BBS1: variants seen among roughly 807,000 people sequenced by gnomAD.
BBS1 encodes the protein Bardet-Biedl syndrome 1.
Under a neutral mutation model 73.9 loss-of-function variants are expected in BBS1, and 60 were observed. The observed-to-expected ratio is 0.81, with a 90% CI of 0.66 to 1.01. The LOEUF is 1.01. Ranked by LOEUF, BBS1 falls within the 50% of genes least tolerant of loss-of-function variation. The pLI is 0.00. For missense variants in BBS1, 718 were observed against 770.3 expected (o/e 0.93, Z 0.80); for synonymous variants, 283 against 317.4 (o/e 0.89, Z 1.15).
chr11:66,513,160 A>G (rs150842545), intron 3 of BBS1, among the ~76,000 whole-genome samples: 71 of 151,886 alleles, frequency 4.7e-4, no homozygotes, highest in Admixed American at 1.8e-3. Flanking sequence ...AACGAGAACA[A>G]TGGATTCTGT....
In BBS1 at chr11:66,526,156, G is replaced by T. The variant is rs377297999; in HGVS notation, c.1144G>T (p.Gly382Trp). 1.2e-6 allele frequency: 2 copies of T among 1,614,186 alleles called. No individual in the cohort carries two copies. ...GACCAGCCTTTGCTTTGGCCGGTAC[G>T]GGCGGGAGGACAACACCCTCATCAT... ...AVTSLCFGRY[G>W]REDNTLIMTT... Residue 382 changes from glycine (G) to tryptophan (W), a missense_variant, in exon 12 of 17, where the codon GGG becomes TGG. By Grantham distance (184) the Gly-to-Trp change is radical (BLOSUM62 -2). Transcript: ENST00000318312.
chr11:66,520,150 A>G (rs987643395), intron 8 of BBS1, among the ~76,000 whole-genome samples: 4 of 152,164 alleles, frequency 2.6e-5, no homozygotes, highest in Non-Finnish European at 5.9e-5. Context: ...ACAGAGTGAG[A>G]CCCTGTCTCT....
rs1252698264 is a variant in BBS1 at position 66,514,414 on chromosome 11, A to G, written c.168A>G (p.Val56=). ...CCATCCTCTCCCTGCAGCTGGTGGT[A>G]GGGGACCTTGGCCCTGGTGGGCAGC... ...LHGDGEYKLV[V]GDLGPGGQQP... Residue 56 remains valine (V), a synonymous_variant, in exon 4 of 17, where the codon GTA becomes GTG. Coordinates refer to ENST00000318312, the MANE Select transcript of BBS1 (RefSeq NM_024649.5). 1 of 1,614,110 alleles carries G rather than the reference A, an allele frequency of 6.2e-7. No homozygotes were observed. The highest frequency in any genetic ancestry group is 1.1e-5 in the South Asian group (1 of 91,084).
In BBS1 at chr11:66,531,847, G is replaced by T. The variant is rs930334914; in HGVS notation, c.1696-104G>T. 4 of 1,603,794 alleles carry T rather than the reference G, an allele frequency of 2.5e-6. No individual in the cohort carries two copies. In the South Asian group the frequency reaches 4.4e-5, roughly 18 times the overall value. On this transcript the variant is annotated intron_variant, in intron 16 of 16. Coordinates refer to ENST00000318312, the MANE Select transcript of BBS1 (RefSeq NM_024649.5). ...TAGGGGGCTCCTGGGTGGGGGTGGG[G>T]GTATCTGCACAGTGGAGCCCTGTGG...
intron 8 of BBS1, 117 bp from the exon 9 acceptor site, chr11:66,521,153 G>T (rs1856197303): frequency 1.3e-6 from 1 of 793,060 alleles, no homozygotes; most frequent in East Asian, 2.5e-5. Flanking sequence ...GTTTAAACTG[G>T]GTGTAAGTGA....
intron 13 of BBS1, among the ~76,000 whole-genome samples, chr11:66,528,883 G>A (rs1240634790): frequency 2.0e-5 from 3 of 146,496 alleles, no homozygotes; most frequent in African/African-American, 5.0e-5. Flanking sequence ...CAGGAGAATC[G>A]ATTGAACCCG....
chr11:66,529,253 G>A, intron 13 of BBS1: 2 of 1,523,640 alleles, frequency 1.3e-6, no homozygotes, highest in South Asian at 1.2e-5. Flanking sequence ...CAAACGGTGA[G>A]ATGTGAGGGG....
intron 9 of BBS1, chr11:66,523,174 G>A (rs1366673548): frequency 1.1e-5 from 6 of 565,026 alleles, no homozygotes; most frequent in Non-Finnish European, 1.7e-5. Context: ...AATGCTAGAT[G>A]ATCATACAAG....
intron 6 of BBS1, 54 bp from the exon 7 acceptor site, chr11:66,515,807 T>TGGAGGAG: frequency 6.2e-7 from 1 of 1,614,008 alleles, no homozygotes; most frequent in East Asian, 2.2e-5. Context: ...GCCAGAATGA[T>TGGAGGAG]GGAGGAGGGC....
intron 4 of BBS1, 108 bp downstream of exon 4, chr11:66,514,786 T>TGGTGGC: frequency 3.0e-6 from 4 of 1,332,836 alleles, no homozygotes; most frequent in Non-Finnish European, 4.2e-6. Flanking sequence ...GGAGGTCAGC[T>TGGTGGC]ATAGTCCATC....
chr11:66,525,952 G>C (rs1249936398), intron 11 of BBS1, among the ~76,000 whole-genome samples, 171 bp from the exon 12 acceptor site: 2 of 152,206 alleles, frequency 1.3e-5, no homozygotes, highest in Non-Finnish European at 2.9e-5. Context: ...AACTGAGGTA[G>C]TGAGATTGGA....
intron 7 of BBS1, among the ~76,000 whole-genome samples, chr11:66,516,145 T>G (rs1271971221): frequency 7.6e-6 from 1 of 131,160 alleles, no homozygotes; most frequent in Non-Finnish European, 1.6e-5. Context: ...TTTTTTTTTT[T>G]GAGACAGTCT....
At position 66,529,247 on chromosome 11, in the gene BBS1, C is replaced by T. The variant is rs139434731; in HGVS notation, c.1340-572C>T. 4,625 of 1,513,320 alleles carry T rather than the reference C, an allele frequency of 3.1e-3. 18 individuals carry two copies. The highest frequency in any genetic ancestry group is 3.8e-3 in the Admixed American group (189 of 50,052). 93.7% of individuals were successfully genotyped at this position (1,513,320 alleles called of 1,614,324 possible). A position where few individuals can be genotyped will look rare whatever the true frequency, so the allele number is the denominator to read the frequency against. ...GGGAAGAGTCATGTGATCCTGCAAA[C>T]GGTGAGATGTGAGGGGTGGACCTAG... On this transcript the variant is annotated intron_variant, in intron 13 of 16. Coordinates refer to ENST00000318312, the MANE Select transcript of BBS1 (RefSeq NM_024649.5).
intron 14 of BBS1, among the ~76,000 whole-genome samples, chr11:66,530,167 C>T (rs1421881833): frequency 2.0e-5 from 3 of 152,146 alleles, no homozygotes; most frequent in South Asian, 2.1e-4. Flanking sequence ...CCTCTCCCCT[C>T]GGCTGGCCAT....
chr11:66,532,392 C>G lies in BBS1; in HGVS notation c.*355C>G, dbSNP rs1020979810. The G allele has an allele frequency of 2.9e-5, 8 of 276,176 alleles. No homozygotes were observed. Among genetic ancestry groups the G allele is most frequent in the Admixed American group, 4.5e-5 (1 of 22,042 alleles). The allele number at this position is 276,176 out of a possible 1,614,324, so 17.1% of individuals were successfully genotyped here. A position where few individuals can be genotyped will look rare whatever the true frequency, so the allele number is the denominator to read the frequency against. ...CCAGCCTTTCTCCACTGCCACGTCC[C>G]TCATGCACATCACTCATCTCCTGCT... On this transcript the variant is annotated 3_prime_UTR_variant, in exon 17 of 17. Transcript: ENST00000318312.
In BBS1 at chr11:66,533,129, C is replaced by T. The variant is rs914540318; in HGVS notation, c.*1092C>T. On this transcript the variant is annotated 3_prime_UTR_variant, in exon 17 of 17. Transcript: ENST00000318312. ...CCACTAAGAAATACATGAACCGTGCCATGAGGACAGTAAGTGTTCATAAAG... is the reference window on the plus strand; with the variant it reads ...CCACTAAGAAATACATGAACCGTGCTATGAGGACAGTAAGTGTTCATAAAG... The T allele has an allele frequency of 6.6e-6, 1 of 152,178 alleles. No individual in the cohort carries two copies. The highest frequency in any genetic ancestry group is 6.5e-5 in the Admixed American group (1 of 15,272). 9.4% of individuals were successfully genotyped at this position (152,178 alleles called of 1,614,324 possible).
chr11:66,519,082 T>C (rs1040523274), intron 7 of BBS1, among the ~76,000 whole-genome samples: 2 of 152,176 alleles, frequency 1.3e-5, no homozygotes, highest in Non-Finnish European at 2.9e-5. Flanking sequence ...TTTTTAAATA[T>C]GACTTTTAAG....
rs1389335279 is a variant in BBS1 at position 66,523,788 on chromosome 11, A to T, written c.1016A>T (p.His339Leu). The T allele has an allele frequency of 2.5e-6, 4 of 1,613,522 alleles. No homozygotes were observed. The highest frequency in any genetic ancestry group is 3.4e-6 in the Non-Finnish European group (4 of 1,180,028). Residue 339 changes from histidine to leucine, a missense_variant, in exon 11 of 17, where the codon CAT becomes CTT. Coordinates refer to ENST00000318312, the MANE Select transcript of BBS1 (RefSeq NM_024649.5). ...CTGACCATGAACCTCCTGGAGCAGCATTCCCGGGGCCTGCAGGCCGTCATG... is the reference window on the plus strand; with the variant it reads ...CTGACCATGAACCTCCTGGAGCAGCTTTCCCGGGGCCTGCAGGCCGTCATG... The part of the protein sequence containing the change: ...AILTMNLLEQ[H>L]SRGLQAVMAG...
chr11:66,529,949 C>T lies in BBS1; in HGVS notation c.1470C>T (p.Ala490=), dbSNP rs772427832. ...TTAREPLKLH[A]VVQGLGPTFK... is the part of the protein sequence containing the mutation. ...CCCGAGAGCCACTCAAGCTGCACGC[C>T]GTGGTGAGCATCTGGGTGAGGGCAG... Residue 490 remains alanine, a synonymous_variant, in exon 14 of 17, where the codon GCC becomes GCT. Transcript: ENST00000318312. 27 of 1,600,994 alleles carry T rather than the reference C, an allele frequency of 1.7e-5. No individual in the cohort carries two copies. The highest frequency in any genetic ancestry group is 1.6e-4 in the Middle Eastern group (1 of 6,076).
Sources: allele counts gnomAD v4.1 joint callset (sites outside exome capture counted in the v4.1 genomes callset), GRCh38; gene constraint gnomAD v4.1.1; transcripts MANE v1.5; gene names NCBI Gene and HGNC (gene_info 2026-07-23, HGNC 2026-07-21).